Variants in OR11A1 observed in about 807,000 individuals in gnomAD.
The protein encoded by OR11A1 is olfactory receptor family 11 subfamily A member 1.
For synonymous variants in OR11A1, 158 were observed against 152.2 expected (o/e 1.04, Z -0.28); for missense variants, 380 against 378.2 (o/e 1.00, Z -0.04).
At chr6:29,438,383 T>C (rs1783813067) in intron 1 of OR11A1, among the ~76,000 whole-genome samples, 1 of 151,580 alleles carries the variant, frequency 6.6e-6, no homozygotes. Flanking sequence ...TTCTCTTTTA[T>C]ATTATTAGTT....
intron 1 of OR11A1, among the ~76,000 whole-genome samples, chr6:29,455,995 C>G (rs1363079122): frequency 1.3e-5 from 2 of 151,856 alleles, no homozygotes; most frequent in Non-Finnish European, 1.5e-5. Context: ...TTTGGGAGGC[C>G]TAAGCAGGTG....
At chr6:29,431,312 C>T (rs936790486) in intron 2 of OR11A1, among the ~76,000 whole-genome samples, 6 of 151,874 alleles carry the variant, frequency 4.0e-5, no homozygotes, top group Admixed American at 3.3e-4. Flanking sequence ...AAGCAGAAAA[C>T]CAAAAAGTTA....
rs11752013 is a variant in OR11A1 at position 29,442,982 on chromosome 6, A to T, written c.-388-10995T>A. ...CTTGCTAAAGAGTGTTTTGGCATTA[A>T]GCCATTGGTTTACATTGAGAAAGAT... On this transcript the variant is annotated intron_variant, in intron 1 of 4. Coordinates refer to ENST00000377149, the MANE Select transcript of OR11A1 (RefSeq NM_001394828.1). Among the ~76,000 whole-genome samples the T allele has an allele frequency of 4.2e-3, 637 of 152,342 alleles. 5 individuals are homozygous for T. The highest frequency in any genetic ancestry group is 0.01 in the African/African-American group (428 of 41,584).
rs374764525 is a variant in OR11A1 at position 29,426,761 on chromosome 6, C to A, written c.881G>T (p.Arg294Met). 2.9e-5 allele frequency: 47 copies of A among 1,612,894 alleles called. No homozygotes were observed. Among genetic ancestry groups the A allele is most frequent in the Admixed American group, 2.5e-4 (15 of 59,984 alleles). Residue 294 changes from arginine to methionine, a missense_variant, in exon 5 of 5, where the codon AGG becomes ATG. Transcript: ENST00000377149. The stretch of plus-strand genomic sequence containing the variant: ...AAGTGCCTGATGCACCTCCTTGTTC[C>A]TCATGGTATAGATCACAGGATTGAA... ...PLFNPVIYTM[R>M]NKEVHQALRK...
intron 1 of OR11A1, among the ~76,000 whole-genome samples, chr6:29,448,752 T>A (rs143892261): frequency 6.6e-6 from 1 of 152,206 alleles, no homozygotes; most frequent in Non-Finnish European, 1.5e-5. Context: ...GTCCTAGAAC[T>A]CCTGCTTCCC....
intron 1 of OR11A1, among the ~76,000 whole-genome samples, chr6:29,451,078 A>G (rs1785322363): frequency 6.6e-6 from 1 of 152,230 alleles, no homozygotes; most frequent in East Asian, 1.9e-4. Context: ...CAACCATCTT[A>G]TCTTCAACAA....
chr6:29,433,810 C>T (rs1783429102), intron 1 of OR11A1, among the ~76,000 whole-genome samples: 1 of 152,064 alleles, frequency 6.6e-6, no homozygotes, highest in Admixed American at 6.5e-5. Flanking sequence ...ATGAGTTCTC[C>T]TTTTCCACAT....
At chr6:29,435,262 A>T (rs1463525486) in intron 1 of OR11A1, among the ~76,000 whole-genome samples, 4 of 152,218 alleles carry the variant, frequency 2.6e-5, no homozygotes, top group African/African-American at 9.6e-5. Flanking sequence ...TTGAAGGCAC[A>T]GAAAAGACAC....
At chr6:29,431,537 A>G (rs1783230108) in intron 2 of OR11A1, among the ~76,000 whole-genome samples, 1 of 152,176 alleles carries the variant, frequency 6.6e-6, no homozygotes, top group Non-Finnish European at 1.5e-5. Flanking sequence ...ACTCTGTAAC[A>G]TATCAACTGA....
At chr6:29,428,485 G>T in intron 4 of OR11A1, 1 of 776,900 alleles carries the variant, frequency 1.3e-6, no homozygotes, top group Non-Finnish European at 1.6e-6. Context: ...GCCGGGCTTG[G>T]TGGCTCACGC....
intron 1 of OR11A1, among the ~76,000 whole-genome samples, chr6:29,456,452 G>T (rs898424844): frequency 6.6e-6 from 1 of 151,730 alleles, no homozygotes; most frequent in Non-Finnish European, 1.5e-5. Flanking sequence ...AGAGTTTTCA[G>T]TGAGCCGAGA....
chr6:29,455,874 C>CAAAA lies in OR11A1; in HGVS notation c.-389+1109_-389+1112dup, dbSNP rs9256960. 3.7e-3 allele frequency among the ~76,000 whole-genome samples: 303 copies of CAAAA among 80,938 alleles called. 4 individuals are homozygous for CAAAA. Among genetic ancestry groups the CAAAA allele is most frequent in the African/African-American group, 0.011 (215 of 19,264 alleles). 53.1% of individuals were successfully genotyped at this position (80,938 alleles called of 152,430 possible). Reference sequence around the variant, plus strand: ...CTAGGAGACAGAATGAGACTTGTCTCAAAAAAAAAAAAAAAAAAAAGGAAA... The same window carrying CAAAA: ...CTAGGAGACAGAATGAGACTTGTCTCAAAAAAAAAAAAAAAAAAAAAAAAGGAAA... On this transcript the variant is annotated intron_variant, in intron 1 of 4. Transcript: ENST00000377149.
intron 1 of OR11A1, among the ~76,000 whole-genome samples, chr6:29,444,592 C>T (rs73398987): frequency 0.051 from 7,706 of 152,240 alleles, 373 homozygotes; most frequent in African/African-American, 0.12. Context: ...CTTCTTATAG[C>T]TGATACTCTC....
chr6:29,450,161 G>A (rs1785211845), intron 1 of OR11A1: 1 of 152,198 alleles, frequency 6.6e-6, no homozygotes, highest in African/African-American at 2.4e-5. Flanking sequence ...CACAACAATG[G>A]TCATTGTTAA....
rs748455050 is a variant in OR11A1, at chr6:29,427,467, T to C, written c.175A>G (p.Lys59Glu). The change falls in exon 5 of 5, where the codon AAA (lysine) becomes GAA (glutamate). Residue 59 changes from lysine (K) to glutamate (E), a missense_variant. Physicochemically the swap from Lys to Glu is moderately conservative, Grantham distance 56. Coordinates refer to ENST00000377149, the MANE Select transcript of OR11A1 (RefSeq NM_001394828.1). Reference sequence around the variant, plus strand: ...TTCGCCAAGAAAATATACATGGGTTTGTGGAGCCTCTGGGAGCTAACCACT... The same window carrying C: ...TTCGCCAAGAAAATATACATGGGTTCGTGGAGCCTCTGGGAGCTAACCACT... ...VAVVSSQRLH[K>E]PMYIFLANLS... 5.0e-6 allele frequency: 8 copies of C among 1,612,988 alleles called. No homozygotes were observed. In the African/African-American group the frequency reaches 1.1e-4, roughly 22 times the overall value.
Position 29,430,365 on chromosome 6 carries a change from C to T in OR11A1, c.-204G>A. On this transcript the variant is annotated 5_prime_UTR_variant, in exon 3 of 5. Transcript: ENST00000377149. The stretch of plus-strand genomic sequence containing the variant: ...CACTCCCTATGTGGGCCATCTTTAA[C>T]TCTAGATTATTTTATCTGGTCCAAA... The T allele has an allele frequency of 2.0e-6, 2 of 985,386 alleles. No individual in the cohort carries two copies. Among genetic ancestry groups the T allele is most frequent in the Non-Finnish European group, 2.4e-6 (2 of 829,916 alleles). The allele number at this position is 985,386 out of a possible 1,614,324, so 61.0% of individuals were successfully genotyped here. A position where few individuals can be genotyped will look rare whatever the true frequency, so the allele number is the denominator to read the frequency against.
chr6:29,445,531 C>T (rs1582596017), intron 1 of OR11A1, among the ~76,000 whole-genome samples: 1 of 152,220 alleles, frequency 6.6e-6, no homozygotes, highest in East Asian at 1.9e-4. Flanking sequence ...AATCTCTTCA[C>T]AGGGCTTGGA....
chr6:29,452,596 G>A (rs1383734707), intron 1 of OR11A1, among the ~76,000 whole-genome samples: 2 of 152,036 alleles, frequency 1.3e-5, no homozygotes, highest in African/African-American at 4.8e-5. Context: ...GGAGTCAGAA[G>A]GCTATGAATT....
intron 2 of OR11A1, among the ~76,000 whole-genome samples, chr6:29,431,461 A>G (rs1783224111): frequency 1.3e-5 from 2 of 152,160 alleles, no homozygotes; most frequent in Admixed American, 6.5e-5. Context: ...TTGTCAAGCC[A>G]TGGGATAGCA....
Sources: allele counts gnomAD v4.1 joint callset (sites outside exome capture counted in the v4.1 genomes callset), GRCh38; gene constraint gnomAD v4.1.1; transcripts MANE v1.5; gene names NCBI Gene and HGNC (gene_info 2026-07-23, HGNC 2026-07-21).